The following SVEP1 variants were observed in gnomAD, a reference collection of about 807,000 sequenced individuals.
SVEP1 encodes sushi, von Willebrand factor type A, EGF and pentraxin domain-containing protein 1.
A neutral mutation model predicts 367.3 loss-of-function variants in SVEP1; 164 were observed. The observed-to-expected ratio is 0.45, with a 90% confidence interval of 0.39 to 0.51. The LOEUF (loss-of-function observed/expected upper bound fraction) is 0.51, where lower values mean the gene tolerates loss of function less well. SVEP1 is among the 20% of genes least tolerant of loss of function. The pLI is 0.00. For synonymous variants in SVEP1, 1,666 were observed against 1,611.6 expected, an observed-to-expected ratio of 1.03 and a Z score of -0.81; for missense variants, 4,117 against 4,425.3, an observed-to-expected ratio of 0.93 and a Z score of 1.98.
intron 3 of SVEP1, among the ~76,000 whole-genome samples, chr9:110,528,174 A>G (rs964370787): frequency 1.7e-4 from 23 of 133,746 alleles, no homozygotes; most frequent in Non-Finnish European, 3.2e-4. Flanking sequence ...ATATATATAT[A>G]TATATATATA....
In SVEP1 at chr9:110,407,944, A is replaced by T; in HGVS notation, c.7656T>A (p.Asn2552Lys). The T allele has an allele frequency of 6.2e-7, 1 of 1,614,048 alleles. No homozygotes were observed. The highest frequency in any genetic ancestry group is 8.5e-7 in the Non-Finnish European group (1 of 1,179,900). The change falls in exon 38 of 48, where the codon AAT becomes AAA. Residue 2552 changes from asparagine to lysine, a missense_variant. Asn to Lys is a moderately conservative substitution (Grantham distance 94, BLOSUM62 0). Around this residue, in one of 4 missense-constraint regions of SVEP1, gnomAD observed 1,765 missense variants for 1,781.1 expected, o/e 0.99. Transcript: ENST00000374469. ...GDWDVDAPSC[N>K]AIHCDSPQPI... is the part of the protein sequence containing the mutation. ...GTTGTGGGGAATCACAGTGGATGGC[A>T]TTGCAAGATGGGGCATCTACATCCC...
intron 3 of SVEP1, among the ~76,000 whole-genome samples, chr9:110,535,541 T>C (rs1257405374): frequency 6.6e-6 from 1 of 152,174 alleles, no homozygotes; most frequent in African/African-American, 2.4e-5. Flanking sequence ...TTTCTAGTTC[T>C]GTCATGAATG....
At chr9:110,536,623 T>C (rs1265480139) in intron 3 of SVEP1, among the ~76,000 whole-genome samples, 4 of 152,014 alleles carry the variant, frequency 2.6e-5, no homozygotes, top group Non-Finnish European at 5.9e-5. Context: ...GAAAAATCTT[T>C]AGCATGATTC....
intron 8 of SVEP1, among the ~76,000 whole-genome samples, chr9:110,494,296 A>G (rs888955079): frequency 1.3e-5 from 2 of 152,176 alleles, no homozygotes; most frequent in Non-Finnish European, 2.9e-5. Context: ...AATAGCATCA[A>G]TTGCTCCTCT....
Position 110,472,241 on chromosome 9 carries a change from G to C in SVEP1, c.2682C>G (p.Ser894Arg). The C allele has an allele frequency of 1.2e-6, 2 of 1,613,654 alleles. No individual in the cohort carries two copies. The highest frequency in any genetic ancestry group is 1.7e-6 in the Non-Finnish European group (2 of 1,179,812). ...FLDTVQETAT[S>R]IGNAKSSRIK... ...TCCGTGAGGACTTGGCATTGCCGAT[G>C]CTTGTGGCTGTTTCTTGCACAGTGT... The change falls in exon 15 of 48, where the codon AGC (serine) becomes AGG (arginine). Residue 894 changes from serine to arginine, a missense_variant. By Grantham distance (110) the Ser-to-Arg change is moderately radical. Around this residue, in one of 4 missense-constraint regions of SVEP1, gnomAD observed 2,174 missense variants for 2,494.3 expected, o/e 0.87. Coordinates refer to ENST00000374469, the MANE Select transcript of SVEP1 (RefSeq NM_153366.4).
chr9:110,502,138 T>C (rs1829543213), intron 6 of SVEP1, among the ~76,000 whole-genome samples: 1 of 147,784 alleles, frequency 6.8e-6, no homozygotes, highest in South Asian at 2.1e-4. Context: ...AGTTTTGCAC[T>C]GTCGCTGGGG....
At chr9:110,382,732 T>C (rs1827456629) in intron 43 of SVEP1, among the ~76,000 whole-genome samples, 1 of 152,226 alleles carries the variant, frequency 6.6e-6, no homozygotes, top group South Asian at 2.1e-4. Flanking sequence ...TTTTACATAA[T>C]TTCATAGTTC....
At chr9:110,435,478 G>A in intron 28 of SVEP1, 114 bp from the exon 29 acceptor site, 1 of 1,232,136 alleles carries the variant, frequency 8.1e-7, no homozygotes, top group South Asian at 1.5e-5. Context: ...GATGGGGGTG[G>A]AGGGAAGCAG....
intron 27 of SVEP1, among the ~76,000 whole-genome samples, chr9:110,437,669 A>T: frequency 6.6e-6 from 1 of 151,734 alleles, no homozygotes; most frequent in African/African-American, 2.4e-5. Flanking sequence ...GTTTTTGGGG[A>T]ATGGGTGGTT....
rs368993940 is a variant in SVEP1 at position 110,429,151 on chromosome 9, T to C, written c.5799A>G (p.Thr1933=). The C allele has an allele frequency of 8.2e-6, 13 of 1,589,290 alleles. No homozygotes were observed. In the African/African-American group the frequency reaches 1.5e-4, roughly 18 times the overall value. The stretch of plus-strand genomic sequence containing the variant: ...GTGTCTACAAATGTTACCTGTATCC[T>C]GTATCGCATGAATATGATGCAGTAG... The part of the protein sequence containing the change: ...YLSTASYSCD[T]GYSLQGPSII... The change falls in exon 35 of 48, where the codon ACA becomes ACG. Residue 1933 remains threonine (T), a synonymous_variant. Coordinates refer to ENST00000374469, the MANE Select transcript of SVEP1 (RefSeq NM_153366.4).
chr9:110,402,739 C>G (rs1827883085), intron 39 of SVEP1, among the ~76,000 whole-genome samples: 1 of 152,162 alleles, frequency 6.6e-6, no homozygotes, highest in African/African-American at 2.4e-5. Flanking sequence ...AGCTCAGAGT[C>G]TTAGACAAAG....
chr9:110,507,903 A>G (rs1368497951), intron 5 of SVEP1, among the ~76,000 whole-genome samples: 1 of 152,216 alleles, frequency 6.6e-6, no homozygotes, highest in Non-Finnish European at 1.5e-5. Context: ...TTTATTACTG[A>G]TAATAAATTA....
In SVEP1 at chr9:110,579,060, A is replaced by G. The variant is rs1830660351; in HGVS notation, c.484T>C (p.Tyr162His). 6.5e-7 allele frequency: 1 copy of G among 1,549,928 alleles called. No homozygotes were observed. Among genetic ancestry groups the G allele is most frequent in the Non-Finnish European group, 8.7e-7 (1 of 1,146,964 alleles). ...TTGGTGTAGGTGCCGCCACCTCGGT[A>G]GGAGATGGCAGGGATCTCTTGGAGG... is the stretch of plus-strand genomic sequence containing the variant. Reference protein sequence around the residue: ...LLLQEIPAISYRGGGTYTKGA... With the variant: ...LLLQEIPAISHRGGGTYTKGA... Residue 162 changes from tyrosine (Y) to histidine (H), a missense_variant, in exon 1 of 48, where the codon TAC (tyrosine) becomes CAC (histidine). Coordinates refer to ENST00000374469, the MANE Select transcript of SVEP1 (RefSeq NM_153366.4). This position sits in a 1 kb window ranked among gnomAD's most constrained non-coding sequence, Gnocchi z 5.3.
At chr9:110,505,497 T>A (rs890945078) in intron 5 of SVEP1, among the ~76,000 whole-genome samples, 1 of 152,148 alleles carries the variant, frequency 6.6e-6, no homozygotes, top group Non-Finnish European at 1.5e-5. Flanking sequence ...TTGAGCAACT[T>A]TTCCTTCACT....
At chr9:110,391,815 G>T (rs532671527) in intron 40 of SVEP1, among the ~76,000 whole-genome samples, 1 of 152,174 alleles carries the variant, frequency 6.6e-6, no homozygotes, top group South Asian at 2.1e-4. Context: ...TTCTGGATGA[G>T]ATTAGCATTT....
chr9:110,408,467 A>G lies in SVEP1; in HGVS notation c.7133T>C (p.Ile2378Thr). The change falls in exon 38 of 48, where the codon ATT (isoleucine) becomes ACT (threonine). Residue 2378 changes from isoleucine to threonine, a missense_variant. Physicochemically the swap from Ile to Thr is moderately conservative, Grantham distance 89 (BLOSUM62 -1). Around this residue, in one of 4 missense-constraint regions of SVEP1, gnomAD observed 1,765 missense variants for 1,781.1 expected, o/e 0.99. Coordinates refer to ENST00000374469, the MANE Select transcript of SVEP1 (RefSeq NM_153366.4). The part of the protein sequence containing the change: ...QWNDSFPVCK[I>T]VLCTPPPLIS... ...TAGGGGAGGTGGGGTACAAAGAACA[A>G]TCTTACAAACAGGGAAAGAGTCATT... 1.2e-6 allele frequency: 2 copies of G among 1,613,986 alleles called. No individual in the cohort carries two copies. The highest frequency in any genetic ancestry group is 2.2e-5 in the East Asian group (1 of 44,880).
intron 36 of SVEP1, among the ~76,000 whole-genome samples, chr9:110,413,739 A>G (rs12335369): frequency 0.67 from 101,073 of 151,652 alleles, 34,318 homozygotes; most frequent in African/African-American, 0.78. Flanking sequence ...ATTAGGATAT[A>G]CAGTATTAGA....
chr9:110,567,688 T>C (rs1830508258), intron 1 of SVEP1, among the ~76,000 whole-genome samples: 6 of 152,192 alleles, frequency 3.9e-5, no homozygotes, highest in Admixed American at 3.9e-4. Flanking sequence ...TTATTTTCCA[T>C]AGTTCTTCAC....
chr9:110,468,422 G>A (rs545397079), intron 17 of SVEP1, among the ~76,000 whole-genome samples: 12 of 152,268 alleles, frequency 7.9e-5, no homozygotes, highest in Admixed American at 2.6e-4. Context: ...ATTTCAAGCC[G>A]AAGGAAATTT....
Sources: allele counts gnomAD v4.1 joint callset (sites outside exome capture counted in the v4.1 genomes callset), GRCh38; gene constraint gnomAD v4.1.1; regional missense constraint gnomAD v4.1.1; non-coding constraint Gnocchi (gnomAD v3.1); transcripts MANE v1.5; gene names NCBI Gene and HGNC (gene_info 2026-07-23, HGNC 2026-07-21).